The following DZIP1 variants were observed in gnomAD, a reference collection of about 807,000 sequenced individuals.
The protein encoded by DZIP1 is cilium assembly protein DZIP1.
DZIP1 carries 97 observed loss-of-function variants against 107.6 expected under a neutral mutation model. The observed-to-expected ratio is 0.90, with a 90% CI of 0.77 to 1.07. The LOEUF is 1.07. Ranked by LOEUF, DZIP1 falls within the 50% of genes least tolerant of loss-of-function variation. The pLI, the probability that DZIP1 is intolerant of heterozygous loss-of-function variation, is 0.00. For synonymous variants in DZIP1, 390 were observed against 386.4 expected, an observed-to-expected ratio of 1.01 and a Z score of -0.11; for missense variants, 1,035 against 1,063.6, an observed-to-expected ratio of 0.97 and a Z score of 0.37.
chr13:95,624,549 G>A lies in DZIP1; in HGVS notation c.972+219C>T, dbSNP rs181537141. Among the ~76,000 whole-genome samples, 81 of 152,290 alleles carry A rather than the reference G, an allele frequency of 5.3e-4. 1 individual carries two copies. The East Asian group carries it at 6.0e-3, about 11-fold the overall frequency. On this transcript the variant is annotated intron_variant, in intron 8 of 22. Transcript: ENST00000376829. ...AAGAGGGTCTTCTATATCTCACCAC[G>A]AGTGTTCTGCACTGAAGTTTAAGGC...
At chr13:95,621,667 T>A (rs1048417704) in intron 9 of DZIP1, among the ~76,000 whole-genome samples, 14 of 50,636 alleles carry the variant, frequency 2.8e-4, no homozygotes, top group Non-Finnish European at 4.0e-4. Context: ...CAGTTAGCAG[T>A]GTGTGTGTGT....
At position 95,587,673 on chromosome 13, in the gene DZIP1, T is replaced by C; in HGVS notation, c.2084A>G (p.Tyr695Cys). 2.5e-6 allele frequency: 4 copies of C among 1,614,128 alleles called. No homozygotes were observed. The highest frequency in any genetic ancestry group is 3.4e-6 in the Non-Finnish European group (4 of 1,180,018). Reference sequence around the variant, plus strand: ...CACAGGAAGTGGGCCTGGGGATGCGTATGCCCGGATGAGGTCGTCGTCCTC... The same window carrying C: ...CACAGGAAGTGGGCCTGGGGATGCGCATGCCCGGATGAGGTCGTCGTCCTC... ...EQEDDDLIRA[Y>C]ASPGPLPVPP... The change falls in exon 20 of 23, where the codon TAC becomes TGC. Residue 695 changes from tyrosine to cysteine, a missense_variant. By Grantham distance (194) the Tyr-to-Cys change is radical (BLOSUM62 -2). Coordinates refer to ENST00000376829, the MANE Select transcript of DZIP1 (RefSeq NM_198968.4).
At chr13:95,609,047 G>A in intron 13 of DZIP1, among the ~76,000 whole-genome samples, 1 of 152,224 alleles carries the variant, frequency 6.6e-6, no homozygotes, top group East Asian at 1.9e-4. Context: ...TGGCCAGGCT[G>A]ACCACAAGTG....
At position 95,642,217 on chromosome 13, in the gene DZIP1, G is replaced by C. The variant is rs568348909; in HGVS notation, c.-188C>G. On this transcript the variant is annotated 5_prime_UTR_variant, in exon 4 of 23. Coordinates refer to ENST00000376829, the MANE Select transcript of DZIP1 (RefSeq NM_198968.4). ...TGGAGCAAAGGGCGCGTCTGCCCGC[G>C]CAGGGTCAGCGTGCACCCAGAACCC... is the stretch of plus-strand genomic sequence containing the variant. The C allele has an allele frequency of 1.4e-6, 1 of 698,050 alleles. No individual in the cohort carries two copies. The highest frequency in any genetic ancestry group is 2.2e-6 in the Non-Finnish European group (1 of 452,590). 43.2% of individuals were successfully genotyped at this position (698,050 alleles called of 1,614,324 possible). A position where few individuals can be genotyped will look rare whatever the true frequency, so the allele number is the denominator to read the frequency against.
chr13:95,629,470 T>C (rs1009581713), intron 7 of DZIP1, among the ~76,000 whole-genome samples: 2 of 152,208 alleles, frequency 1.3e-5, no homozygotes, highest in South Asian at 2.1e-4. Context: ...CAACCCTCTG[T>C]TGGTGGCTTT....
At chr13:95,625,249 CAT>C (rs1432666694) in intron 7 of DZIP1, among the ~76,000 whole-genome samples, 1 of 152,086 alleles carries the variant, frequency 6.6e-6, no homozygotes, top group Admixed American at 6.6e-5. Flanking sequence ...TTAAAGAAAA[CAT>C]ATATTGAGCA....
intron 5 of DZIP1, among the ~76,000 whole-genome samples, chr13:95,637,707 G>A (rs1877986988): frequency 6.6e-6 from 1 of 151,574 alleles, no homozygotes; most frequent in African/African-American, 2.4e-5. Flanking sequence ...TACAAGCCAG[G>A]AAGAGAGGCC....
At chr13:95,606,461 A>G (rs1043197392) in intron 13 of DZIP1, among the ~76,000 whole-genome samples, 1 of 152,338 alleles carries the variant, frequency 6.6e-6, no homozygotes, top group African/African-American at 2.4e-5. Context: ...TATTCTTGAC[A>G]TTTCATATAG....
chr13:95,592,675 AC>A (rs1251997921), intron 16 of DZIP1, among the ~76,000 whole-genome samples: 1 of 152,222 alleles, frequency 6.6e-6, no homozygotes, highest in Admixed American at 6.5e-5. Context: ...TCACCAAAAG[AC>A]ATGTACAAGA....
rs1380376916 is a variant in DZIP1 at position 95,582,225 on chromosome 13, CAT to C, written c.*7_*8del. ...GCTGGCTTCTGGAATAATCTTCTGA[CAT>C]GTGGAATTAGACATCTGAAGTGTCG... On this transcript the variant is annotated 3_prime_UTR_variant, in exon 23 of 23. Transcript: ENST00000376829. The C allele has an allele frequency of 3.7e-6, 6 of 1,613,178 alleles. No homozygotes were observed. The highest frequency in any genetic ancestry group is 1.1e-5 in the South Asian group (1 of 91,036).
At chr13:95,600,617 TAGATAGATAGATAGAC>T (rs2044591975) in intron 14 of DZIP1, among the ~76,000 whole-genome samples, 1 of 134,856 alleles carries the variant, frequency 7.4e-6, no homozygotes, top group African/African-American at 2.6e-5. Context: ...GATAGATAGA[TAGATAGATAGATAGAC>T]AGACAGACAG....
chr13:95,606,163 C>G (rs1256618475), intron 13 of DZIP1, 104 bp from the exon 14 acceptor site: 10 of 948,680 alleles, frequency 1.1e-5, no homozygotes, highest in East Asian at 2.4e-5. Context: ...AAGATACATA[C>G]AGACCATAAG....
At chr13:95,597,916 T>A (rs987346346) in intron 15 of DZIP1, among the ~76,000 whole-genome samples, 2 of 152,162 alleles carry the variant, frequency 1.3e-5, no homozygotes, top group Non-Finnish European at 2.9e-5. Flanking sequence ...GTGGAATCGA[T>A]TCAGCCTGCA....
chr13:95,606,857 G>T (rs1289252175), intron 13 of DZIP1, among the ~76,000 whole-genome samples: 1 of 152,204 alleles, frequency 6.6e-6, no homozygotes, highest in African/African-American at 2.4e-5. Context: ...CAGAAAATTA[G>T]ATTCCACGGC....
At chr13:95,632,902 C>T (rs186431935) in intron 6 of DZIP1, among the ~76,000 whole-genome samples, 19 of 152,308 alleles carry the variant, frequency 1.2e-4, no homozygotes, top group Admixed American at 1.0e-3. Flanking sequence ...CATTGTCCTG[C>T]GCTATGATCT....
chr13:95,603,611 A>G (rs1415728555), intron 14 of DZIP1, among the ~76,000 whole-genome samples: 2 of 152,188 alleles, frequency 1.3e-5, no homozygotes, highest in African/African-American at 4.8e-5. Flanking sequence ...TGGGCATCCT[A>G]ATACCACCAT....
At chr13:95,606,156 A>G (rs7319952) in intron 13 of DZIP1, 97 bp from the exon 14 acceptor site, 346,674 of 1,060,356 alleles carry the variant, frequency 0.33, 57,707 homozygotes, top group Non-Finnish European at 0.35. Context: ...ACTAGTCAAG[A>G]TACATACAGA....
intron 7 of DZIP1, among the ~76,000 whole-genome samples, chr13:95,625,605 G>T (rs899323798): frequency 3.9e-5 from 6 of 152,064 alleles, no homozygotes; most frequent in Non-Finnish European, 8.8e-5. Context: ...GATCACAATA[G>T]AATTAAGCCA....
chr13:95,637,042 G>A (rs1488672856), intron 5 of DZIP1: 1 of 152,174 alleles, frequency 6.6e-6, no homozygotes, highest in Non-Finnish European at 1.5e-5. Flanking sequence ...AGAAGACAAA[G>A]GAACCACATC....
Sources: allele counts gnomAD v4.1 joint callset (sites outside exome capture counted in the v4.1 genomes callset), GRCh38; gene constraint gnomAD v4.1.1; transcripts MANE v1.5; gene names NCBI Gene and HGNC (gene_info 2026-07-23, HGNC 2026-07-21).